KCNMA1: variants seen among roughly 807,000 people sequenced by gnomAD.
The protein encoded by KCNMA1 is potassium calcium-activated channel subfamily M alpha 1.
KCNMA1 carries 29 observed loss-of-function variants against 140.0 expected under a neutral mutation model. The observed-to-expected ratio is 0.21, with a 90% CI of 0.15 to 0.28. The LOEUF (loss-of-function observed/expected upper bound fraction) is 0.28, where lower values mean the gene tolerates loss of function less well. Ranked by LOEUF, KCNMA1 falls within the 10% of genes least tolerant of loss-of-function variation. KCNMA1 has a pLI of 1.00. For missense variants in KCNMA1, 880 were observed against 1,602.2 expected, an observed-to-expected ratio of 0.55 and a Z score of 7.70; for synonymous variants, 612 against 611.9, an observed-to-expected ratio of 1.00 and a Z score of 0.00.
chr10:76,880,893 G>A (rs2034382923), downstream of KCNMA1, among the ~76,000 whole-genome samples: 1 of 152,222 alleles, frequency 6.6e-6, no homozygotes, highest in Non-Finnish European at 1.5e-5. Context: ...ATTGATCGGG[G>A]TGGGAGGGCT....
At chr10:77,573,733 G>A (rs1046026785) in intron 1 of KCNMA1, among the ~76,000 whole-genome samples, 1 of 150,938 alleles carries the variant, frequency 6.6e-6, no homozygotes, top group African/African-American at 2.4e-5. Context: ...GAATAGGTCT[G>A]TACCTCGCTC....
chr10:77,601,708 T>C (rs571509989), intron 1 of KCNMA1, among the ~76,000 whole-genome samples: 9 of 152,258 alleles, frequency 5.9e-5, no homozygotes, highest in Non-Finnish European at 1.2e-4. Context: ...CCATGGTGTC[T>C]CCTCTCCCCG....
intron 1 of KCNMA1, among the ~76,000 whole-genome samples, chr10:77,595,000 T>C (rs1222778357): frequency 1.3e-5 from 2 of 151,844 alleles, no homozygotes; most frequent in African/African-American, 2.4e-5. Flanking sequence ...CCCAGTGGAG[T>C]AGCTGCCTAG....
chr10:76,969,289 G>GGAAGGAAGAAGGGAAA (rs1234616212), intron 20 of KCNMA1, among the ~76,000 whole-genome samples: 1 of 147,536 alleles, frequency 6.8e-6, no homozygotes, highest in Admixed American at 6.8e-5. Context: ...AAGAAGGGAA[G>GGAAGGAAGAAGGGAAA]GAAGGAAGGA....
intron 15 of KCNMA1, among the ~76,000 whole-genome samples, chr10:77,036,266 A>G (rs2094322690): frequency 6.6e-6 from 1 of 152,166 alleles, no homozygotes; most frequent in African/African-American, 2.4e-5. Flanking sequence ...TCTTGGCTTG[A>G]AATTGATAGA....
chr10:76,931,040 T>C (rs191483602), intron 23 of KCNMA1, among the ~76,000 whole-genome samples: 44 of 152,266 alleles, frequency 2.9e-4, no homozygotes, highest in African/African-American at 9.6e-4. Flanking sequence ...CTTGCCATTA[T>C]AGGATGAATA....
At chr10:76,929,352 T>A (rs1002202841) in intron 23 of KCNMA1, among the ~76,000 whole-genome samples, 2 of 152,178 alleles carry the variant, frequency 1.3e-5, no homozygotes, top group African/African-American at 4.8e-5. Context: ...GATTAGGTAT[T>A]CAAAGAATTG....
At chr10:77,125,644 C>T (rs766091786) in intron 5 of KCNMA1, among the ~76,000 whole-genome samples, 1 of 152,204 alleles carries the variant, frequency 6.6e-6, no homozygotes, top group Admixed American at 6.5e-5. Context: ...ACTAGCACCT[C>T]GGTTATGTGG....
chr10:77,317,025 C>A (rs1250629542), intron 2 of KCNMA1, among the ~76,000 whole-genome samples: 1 of 152,172 alleles, frequency 6.6e-6, no homozygotes, highest in Non-Finnish European at 1.5e-5. Context: ...CTATAATGGA[C>A]TGAAGGTGCC....
downstream of KCNMA1, chr10:76,872,983 G>T (rs1039543974): frequency 6.6e-6 from 1 of 151,806 alleles, no homozygotes; most frequent in African/African-American, 2.4e-5. Context: ...AAAAAAATAT[G>T]CCAAAAGAGG....
At chr10:77,453,277 G>C (rs1339167362) in intron 1 of KCNMA1, among the ~76,000 whole-genome samples, 5 of 151,770 alleles carry the variant, frequency 3.3e-5, no homozygotes, top group African/African-American at 1.2e-4. Flanking sequence ...TTAGAATACA[G>C]ATTACAGCAT....
intron 1 of KCNMA1, among the ~76,000 whole-genome samples, chr10:77,449,875 C>G (rs10824548): frequency 4.1e-4 from 63 of 151,920 alleles, no homozygotes; most frequent in Non-Finnish European, 7.5e-4. Flanking sequence ...ATCTCCTGAC[C>G]TCATGATCCA....
chr10:77,452,075 GC>G (rs1395990193), intron 1 of KCNMA1, among the ~76,000 whole-genome samples: 1 of 152,196 alleles, frequency 6.6e-6, no homozygotes, highest in African/African-American at 2.4e-5. Flanking sequence ...TTCCAAGAGA[GC>G]AAAGTGCTTT....
At chr10:77,256,842 T>C (rs2060868109) in intron 2 of KCNMA1, among the ~76,000 whole-genome samples, 1 of 152,118 alleles carries the variant, frequency 6.6e-6, no homozygotes. Flanking sequence ...TAAAATCCAC[T>C]ATATTAAAAA....
At chr10:77,541,891 A>T (rs1471527359) in intron 1 of KCNMA1, among the ~76,000 whole-genome samples, 2 of 152,182 alleles carry the variant, frequency 1.3e-5, no homozygotes, top group African/African-American at 4.8e-5. Context: ...AGAACAACTT[A>T]TCCATTCACT....
intron 1 of KCNMA1, among the ~76,000 whole-genome samples, chr10:77,485,300 T>C (rs770468352): frequency 6.6e-6 from 1 of 152,234 alleles, no homozygotes; most frequent in African/African-American, 2.4e-5. Context: ...GAAATAGATG[T>C]CTTAACATTT....
At chr10:77,594,530 TC>T (rs921836876) in intron 1 of KCNMA1, among the ~76,000 whole-genome samples, 7 of 152,144 alleles carry the variant, frequency 4.6e-5, no homozygotes, top group African/African-American at 1.7e-4. Context: ...GACACTTATC[TC>T]CCTAGACCTC....
At chr10:77,232,803 G>C (rs952989880) in intron 3 of KCNMA1, among the ~76,000 whole-genome samples, 1 of 151,776 alleles carries the variant, frequency 6.6e-6, no homozygotes, top group Non-Finnish European at 1.5e-5. Flanking sequence ...CTCACATGTA[G>C]ATCTTTGATC....
chr10:77,629,062 C>G (rs1331523036), intron 1 of KCNMA1, among the ~76,000 whole-genome samples: 3 of 152,138 alleles, frequency 2.0e-5, no homozygotes, highest in Non-Finnish European at 4.4e-5. Flanking sequence ...ATTTTGGCCA[C>G]GTGAAGAAGT....
Sources: gnomAD v4.1 joint callset for allele counts (sites outside exome capture counted in the v4.1 genomes callset) on GRCh38, gnomAD v4.1.1 for gene constraint, MANE v1.5 for transcripts, NCBI Gene and HGNC (gene_info 2026-07-23, HGNC 2026-07-21) for gene names.